ADAMTSL3: variants seen among roughly 807,000 people sequenced by gnomAD.
ADAMTSL3 encodes the protein ADAMTS-like protein 3.
ADAMTSL3 carries 128 observed loss-of-function variants against 201.7 expected under a neutral mutation model. The observed-to-expected ratio is 0.63, with a 90% CI of 0.55 to 0.73. The LOEUF (loss-of-function observed/expected upper bound fraction) is 0.73. Ranked by LOEUF, ADAMTSL3 falls within the 30% of genes least tolerant of loss-of-function variation. The pLI is 0.00. For missense variants in ADAMTSL3, 1,990 were observed against 2,119.6 expected, an observed-to-expected ratio of 0.94 and a Z score of 1.20; for synonymous variants, 738 against 748.4, an observed-to-expected ratio of 0.99 and a Z score of 0.23.
chr15:83,713,058 C>T (rs538405986), intron 3 of ADAMTSL3, among the ~76,000 whole-genome samples: 1 of 152,122 alleles, frequency 6.6e-6, no homozygotes, highest in Non-Finnish European at 1.5e-5. Context: ...CTCTAGGTTT[C>T]CTACCCACGT....
At chr15:84,006,510 G>A (rs1482776254) in intron 23 of ADAMTSL3, among the ~76,000 whole-genome samples, 3 of 152,160 alleles carry the variant, frequency 2.0e-5, no homozygotes, top group Non-Finnish European at 2.9e-5. Flanking sequence ...CTAGTTTAAA[G>A]ACACCCCCGA....
chr15:83,911,071 AAAG>A (rs1444743330), intron 15 of ADAMTSL3, among the ~76,000 whole-genome samples: 2 of 152,182 alleles, frequency 1.3e-5, no homozygotes, highest in African/African-American at 4.8e-5. Context: ...ACCAAGGAGA[AAAG>A]AGAGAAAAAA....
chr15:83,877,281 C>T (rs1412020884), intron 9 of ADAMTSL3, among the ~76,000 whole-genome samples: 1 of 152,138 alleles, frequency 6.6e-6, no homozygotes, highest in Non-Finnish European at 1.5e-5. Flanking sequence ...TCTTTTCACA[C>T]CAAAGGCTAT....
intron 6 of ADAMTSL3, among the ~76,000 whole-genome samples, chr15:83,835,818 T>C (rs935707829): frequency 1.3e-5 from 2 of 152,228 alleles, no homozygotes; most frequent in African/African-American, 4.8e-5. Context: ...TGGGCTTTTG[T>C]TGTTGTTGTC....
At chr15:83,723,613 A>T (rs1427597057) in intron 3 of ADAMTSL3, among the ~76,000 whole-genome samples, 2 of 152,172 alleles carry the variant, frequency 1.3e-5, no homozygotes, top group African/African-American at 2.4e-5. Flanking sequence ...ACTAATTTTT[A>T]TTATGCTTAT....
Position 83,858,901 on chromosome 15 carries a change from AC to A in ADAMTSL3, c.802+62del, listed in dbSNP as rs2064797914. 40 of 1,379,852 alleles carry A rather than the reference AC, an allele frequency of 2.9e-5. No homozygotes were observed. The South Asian group carries it at 4.9e-4, about 17-fold the overall frequency. 85.5% of individuals were successfully genotyped at this position (1,379,852 alleles called of 1,614,324 possible). A position where few individuals can be genotyped will look rare whatever the true frequency, so the allele number is the denominator to read the frequency against. On this transcript the variant is annotated intron_variant, in intron 8 of 29. Transcript: ENST00000286744. ...CTGAAAGTTTAGTTAGCCAAAAAAA[AC>A]AAAAAACAAAAAACCCACAAACCAA...
At chr15:83,954,982 C>T (rs1425402302) in intron 19 of ADAMTSL3, among the ~76,000 whole-genome samples, 1 of 152,212 alleles carries the variant, frequency 6.6e-6, no homozygotes, top group Non-Finnish European at 1.5e-5. Flanking sequence ...ACCCAAGACC[C>T]ACTGCAGCCA....
chr15:83,756,774 A>G (rs1332765079), intron 3 of ADAMTSL3, among the ~76,000 whole-genome samples: 11 of 152,172 alleles, frequency 7.2e-5, no homozygotes, highest in Admixed American at 7.2e-4. Context: ...CAAGTTAGTT[A>G]CTCTCAAGAT....
At chr15:83,805,465 G>T (rs897978672) in intron 5 of ADAMTSL3, among the ~76,000 whole-genome samples, 2 of 151,878 alleles carry the variant, frequency 1.3e-5, no homozygotes, top group African/African-American at 4.8e-5. Context: ...GCTGAGGAAG[G>T]AGAATTGCTT....
intron 2 of ADAMTSL3, among the ~76,000 whole-genome samples, chr15:83,699,381 C>T (rs1470821984): frequency 6.6e-6 from 1 of 152,150 alleles, no homozygotes; most frequent in Non-Finnish European, 1.5e-5. Context: ...CCAGAAGTCA[C>T]CCTTGATTCC....
intron 2 of ADAMTSL3, among the ~76,000 whole-genome samples, chr15:83,698,566 C>T (rs1222592811): frequency 6.6e-6 from 1 of 152,176 alleles, no homozygotes; most frequent in Non-Finnish European, 1.5e-5. Context: ...GCTTTCCCTC[C>T]AACTTTTGCT....
At chr15:83,919,929 T>A (rs1209286801) in intron 16 of ADAMTSL3, among the ~76,000 whole-genome samples, 1 of 152,182 alleles carries the variant, frequency 6.6e-6, no homozygotes, top group Non-Finnish European at 1.5e-5. Flanking sequence ...TAAAAGGAAG[T>A]TCCCATCTGG....
At chr15:83,797,677 A>T (rs900423990) in intron 4 of ADAMTSL3, among the ~76,000 whole-genome samples, 4 of 152,206 alleles carry the variant, frequency 2.6e-5, no homozygotes, top group African/African-American at 9.6e-5. Context: ...TTAAAATGTC[A>T]AATATTGACC....
chr15:83,901,202 G>C (rs1012442770), intron 15 of ADAMTSL3, among the ~76,000 whole-genome samples: 7 of 152,146 alleles, frequency 4.6e-5, no homozygotes, highest in Non-Finnish European at 8.8e-5. Context: ...CACAGTATTT[G>C]AGTAAAAAGA....
At chr15:83,803,829 C>G (rs2063559804) in intron 4 of ADAMTSL3, among the ~76,000 whole-genome samples, 1 of 152,108 alleles carries the variant, frequency 6.6e-6, no homozygotes, top group Admixed American at 6.5e-5. Flanking sequence ...GGTAGAATCC[C>G]ATTTGGTAAG....
At chr15:83,740,872 T>C (rs2062443421) in intron 3 of ADAMTSL3, among the ~76,000 whole-genome samples, 4 of 152,072 alleles carry the variant, frequency 2.6e-5, no homozygotes, top group Admixed American at 2.6e-4. Context: ...GAATGAATAC[T>C]TTAAAATCCA....
chr15:83,918,900 C>T (rs931062472), intron 16 of ADAMTSL3, among the ~76,000 whole-genome samples: 5 of 152,006 alleles, frequency 3.3e-5, no homozygotes, highest in Admixed American at 1.3e-4. Flanking sequence ...GAGCTTAGAC[C>T]GGAATGGTGA....
intron 19 of ADAMTSL3, among the ~76,000 whole-genome samples, chr15:83,949,631 T>C (rs2066722084): frequency 6.6e-6 from 1 of 152,186 alleles, no homozygotes; most frequent in Admixed American, 6.5e-5. Context: ...CCACCAACAA[T>C]GTACAAGGGT....
At chr15:83,774,224 T>G (rs74024564) in intron 4 of ADAMTSL3, among the ~76,000 whole-genome samples, 2,513 of 152,302 alleles carry the variant, frequency 0.017, 51 homozygotes, top group African/African-American at 0.056. Flanking sequence ...GCATCAGCTC[T>G]TAGGTAAGAG....
Sources: allele counts gnomAD v4.1 joint callset (sites outside exome capture counted in the v4.1 genomes callset), GRCh38; gene constraint gnomAD v4.1.1; transcripts MANE v1.5; gene names NCBI Gene and HGNC (gene_info 2026-07-23, HGNC 2026-07-21).